Variants in CADM1 observed in about 807,000 individuals in gnomAD.
CADM1 encodes the protein TSLC-1.
In CADM1, 15 loss-of-function variants were observed where a neutral mutation model predicts 53.1. The observed-to-expected ratio is 0.28, with a 90% CI of 0.19 to 0.44. The LOEUF is 0.44. Among genes scored for constraint, CADM1 ranks in the 20% least tolerant of loss-of-function variants. CADM1 has a pLI of 1.00. For synonymous variants in CADM1, 281 were observed against 243.0 expected (o/e 1.16, Z -1.45); for missense variants, 434 against 611.3 (o/e 0.71, Z 3.06).
intron 1 of CADM1, among the ~76,000 whole-genome samples, chr11:115,499,411 G>A (rs1426930591): frequency 3.3e-5 from 5 of 152,196 alleles, no homozygotes; most frequent in Admixed American, 3.3e-4. Context: ...AAATTCCAGA[G>A]GTTTCAGGAT....
chr11:115,176,526 T>C lies in CADM1; in HGVS notation c.1364A>G (p.Asn455Ser), dbSNP rs1431154041. ...GGAGTTGTTCTGTCCTCCTTCTGCA[T>C]TGATTATAGCTGTGTCTGCGTCTGC... ...DAADADTAII[N>S]AEGGQNNSEE... The change falls in exon 12 of 12, where the codon AAT becomes AGT. Residue 455 changes from asparagine to serine, a missense_variant. Coordinates refer to ENST00000331581, the MANE Select transcript of CADM1 (RefSeq NM_001301043.2). 4.3e-6 allele frequency: 7 copies of C among 1,614,104 alleles called. No homozygotes were observed. Among genetic ancestry groups the C allele is most frequent in the East Asian group, 2.2e-5 (1 of 44,872 alleles).
At chr11:115,234,169 C>G (rs1417217595) in intron 3 of CADM1, among the ~76,000 whole-genome samples, 1 of 152,186 alleles carries the variant, frequency 6.6e-6, no homozygotes, top group East Asian at 1.9e-4. Flanking sequence ...CCCCTTGTCT[C>G]TGTTTACCCC....
chr11:115,226,026 G>A (rs1281183620), intron 5 of CADM1, among the ~76,000 whole-genome samples: 4 of 151,794 alleles, frequency 2.6e-5, no homozygotes, highest in African/African-American at 7.3e-5. Flanking sequence ...TTATTTACTC[G>A]GAGTAGACTC....
chr11:115,196,611 A>AAAAAAAAAAAAAT, intron 9 of CADM1, among the ~76,000 whole-genome samples: 1 of 150,372 alleles, frequency 6.7e-6, no homozygotes, highest in Non-Finnish European at 1.5e-5. Context: ...AAAAAAAAAA[A>AAAAAAAAAAAAAT]AAAAAAAAAT....
intron 1 of CADM1, among the ~76,000 whole-genome samples, chr11:115,250,157 C>T (rs1396007892): frequency 2.6e-5 from 4 of 152,182 alleles, no homozygotes; most frequent in Non-Finnish European, 5.9e-5. Flanking sequence ...CCTGCCTCAG[C>T]CTCGCAAAGT....
chr11:115,302,819 T>C (rs568220139), intron 1 of CADM1, among the ~76,000 whole-genome samples: 2 of 152,108 alleles, frequency 1.3e-5, no homozygotes, highest in Admixed American at 1.3e-4. Flanking sequence ...TCACCATTGG[T>C]GACCCAACGG....
chr11:115,338,153 A>C (rs1433413110), intron 1 of CADM1, among the ~76,000 whole-genome samples: 3 of 152,156 alleles, frequency 2.0e-5, no homozygotes, highest in Admixed American at 2.0e-4. Flanking sequence ...TACCACCATC[A>C]TAACAGCTAA....
chr11:115,297,469 T>C (rs948950513), intron 1 of CADM1, among the ~76,000 whole-genome samples: 10 of 152,146 alleles, frequency 6.6e-5, no homozygotes, highest in African/African-American at 2.2e-4. Context: ...AGGTGTCTTA[T>C]AGAGAAAATA....
chr11:115,381,467 G>C (rs1220005463), intron 1 of CADM1, among the ~76,000 whole-genome samples: 1 of 152,100 alleles, frequency 6.6e-6, no homozygotes, highest in African/African-American at 2.4e-5. Context: ...TAATCACTGA[G>C]AGTCCACAAC....
rs1457752150 is a variant in CADM1, at chr11:115,209,671, A to G, written c.995-14T>C. On this transcript the variant is annotated splice_polypyrimidine_tract_variant and intron_variant, in intron 7 of 11. Transcript: ENST00000331581. ...TTGTGGGGGGATCTGGATAGAAAAA[A>G]AAAGGAAAATCAAACCCACAATGCT... 2 of 1,612,492 alleles carry G rather than the reference A, an allele frequency of 1.2e-6. No homozygotes were observed. The highest frequency in any genetic ancestry group is 1.7e-6 in the Non-Finnish European group (2 of 1,179,592).
At chr11:115,280,758 C>G (rs1943564849) in intron 1 of CADM1, among the ~76,000 whole-genome samples, 1 of 152,174 alleles carries the variant, frequency 6.6e-6, no homozygotes, top group Admixed American at 6.5e-5. Context: ...CATTGCTGAC[C>G]AGGCTGGCAG....
intron 1 of CADM1, among the ~76,000 whole-genome samples, chr11:115,265,362 T>G (rs1193497392): frequency 6.6e-6 from 1 of 152,194 alleles, no homozygotes; most frequent in Non-Finnish European, 1.5e-5. Flanking sequence ...GCCCTTAGTC[T>G]TCCTGGGCCT....
intron 1 of CADM1, among the ~76,000 whole-genome samples, chr11:115,487,053 C>T (rs7925149): frequency 2.3e-4 from 35 of 152,210 alleles, no homozygotes; most frequent in Non-Finnish European, 4.4e-4. Context: ...CTGCCTACGG[C>T]TTTGGTCTTA....
chr11:115,271,824 T>C (rs1943306796), intron 1 of CADM1, among the ~76,000 whole-genome samples: 1 of 152,228 alleles, frequency 6.6e-6, no homozygotes, highest in Non-Finnish European at 1.5e-5. Flanking sequence ...TACATGTGCT[T>C]GTTGGATAGG....
intron 1 of CADM1, among the ~76,000 whole-genome samples, chr11:115,245,430 A>C (rs1457082951): frequency 6.6e-6 from 1 of 152,232 alleles, no homozygotes; most frequent in African/African-American, 2.4e-5. Flanking sequence ...GGAAATTTTC[A>C]AAGAAGCATG....
At chr11:115,217,686 G>A (rs1401752695) in intron 6 of CADM1, among the ~76,000 whole-genome samples, 1 of 152,072 alleles carries the variant, frequency 6.6e-6, no homozygotes, top group Non-Finnish European at 1.5e-5. Flanking sequence ...CAATCTTAGC[G>A]GGCATTTAAT....
At chr11:115,262,581 G>A (rs948469181) in intron 1 of CADM1, among the ~76,000 whole-genome samples, 23 of 152,304 alleles carry the variant, frequency 1.5e-4, no homozygotes, top group African/African-American at 4.6e-4. Context: ...AAAAGCAAGC[G>A]ATGAACAAAT....
intron 1 of CADM1, among the ~76,000 whole-genome samples, chr11:115,349,636 G>A (rs1375036974): frequency 6.6e-6 from 1 of 152,138 alleles, no homozygotes; most frequent in Non-Finnish European, 1.5e-5. Flanking sequence ...ATTTTTGCCT[G>A]GAAGGAAAGG....
intron 1 of CADM1, among the ~76,000 whole-genome samples, chr11:115,272,747 T>G (rs1360588888): frequency 1.2e-3 from 111 of 95,518 alleles, no homozygotes; most frequent in African/African-American, 4.6e-3. Flanking sequence ...TGGGGACTGT[T>G]GTGGGGTGGG....
Sources: allele counts gnomAD v4.1 joint callset (sites outside exome capture counted in the v4.1 genomes callset), GRCh38; gene constraint gnomAD v4.1.1; transcripts MANE v1.5; gene names NCBI Gene and HGNC (gene_info 2026-07-23, HGNC 2026-07-21).